Variants in WWP1 observed in about 807,000 individuals in gnomAD.
WWP1 encodes the protein NEDD4-like E3 ubiquitin-protein ligase WWP1.
In WWP1, 49 loss-of-function variants were observed where a neutral mutation model predicts 130.6. That is an observed-to-expected ratio of 0.38 (90% CI 0.30 to 0.48). The LOEUF (loss-of-function observed/expected upper bound fraction) is 0.48. Ranked by LOEUF, WWP1 falls within the 20% of genes least tolerant of loss-of-function variation. The pLI, the probability that WWP1 is intolerant of heterozygous loss-of-function variation, is 0.99. For synonymous variants in WWP1, 332 were observed against 367.8 expected (o/e 0.90, Z 1.11); for missense variants, 809 against 1,100.6 (o/e 0.74, Z 3.75).
At chr8:86,401,427 A>C (rs1207019436) in intron 7 of WWP1, among the ~76,000 whole-genome samples, 1 of 151,862 alleles carries the variant, frequency 6.6e-6, no homozygotes, top group Non-Finnish European at 1.5e-5. Flanking sequence ...GGGCACTGTG[A>C]TGCACGTCTG....
intron 24 of WWP1, 84 bp downstream of exon 24, chr8:86,461,930 A>C (rs1811789105): frequency 9.3e-7 from 1 of 1,072,444 alleles, no homozygotes; most frequent in African/African-American, 1.6e-5. Flanking sequence ...AAGATCCAGT[A>C]TAACTGCTTA....
chr8:86,457,532 G>C lies in WWP1; in HGVS notation c.2395-389G>C, dbSNP rs564897474. ...ACCATACCATATATACATAATGTGT[G>C]TATACATAATAGATACACACACACA... On this transcript the variant is annotated intron_variant, in intron 21 of 24. Coordinates refer to ENST00000517970, the MANE Select transcript of WWP1 (RefSeq NM_007013.4). Among the ~76,000 whole-genome samples, 96 of 151,212 alleles carry C rather than the reference G, an allele frequency of 6.3e-4. 2 individuals are homozygous for C. The South Asian group carries it at 9.0e-3, about 14-fold the overall frequency.
At chr8:86,439,617 T>A (rs917889566) in intron 17 of WWP1, among the ~76,000 whole-genome samples, 3 of 152,238 alleles carry the variant, frequency 2.0e-5, no homozygotes. Flanking sequence ...ATTTTGGTTT[T>A]ATGTTTATGT....
rs989788176 is a variant in WWP1 at position 86,468,276 on chromosome 8, G to C, written c.*1383G>C. 11 of 395,158 alleles carry C rather than the reference G, an allele frequency of 2.8e-5. No individual in the cohort carries two copies. Among genetic ancestry groups the C allele is most frequent in the Non-Finnish European group, 5.4e-5 (11 of 205,564 alleles). 24.5% of individuals were successfully genotyped at this position (395,158 alleles called of 1,614,324 possible). A position where few individuals can be genotyped will look rare whatever the true frequency, so the allele number is the denominator to read the frequency against. Reference sequence around the variant, plus strand: ...ACAGAAAAACAGTAATTATTGTTTTGCCAAAATTTTATTTTTCTACATATT... The same window carrying C: ...ACAGAAAAACAGTAATTATTGTTTTCCCAAAATTTTATTTTTCTACATATT... On this transcript the variant is annotated 3_prime_UTR_variant, in exon 25 of 25. Coordinates refer to ENST00000517970, the MANE Select transcript of WWP1 (RefSeq NM_007013.4).
At chr8:86,366,908 T>G (rs1049251458) in intron 1 of WWP1, among the ~76,000 whole-genome samples, 1 of 152,228 alleles carries the variant, frequency 6.6e-6, no homozygotes, top group Non-Finnish European at 1.5e-5. Context: ...TAATTTAATT[T>G]AAAATTAAGT....
At chr8:86,387,113 A>G (rs563796071) in intron 5 of WWP1, 1 of 152,322 alleles carries the variant, frequency 6.6e-6, no homozygotes, top group African/African-American at 2.4e-5. Context: ...GTTTCAACAT[A>G]CAAATTTTGT....
At chr8:86,384,456 G>A (rs186650827) in intron 5 of WWP1, among the ~76,000 whole-genome samples, 59 of 152,160 alleles carry the variant, frequency 3.9e-4, no homozygotes, top group Admixed American at 2.4e-3. Context: ...GAGTATACAC[G>A]TAATTTCCGG....
chr8:86,356,692 C>A (rs1045876093), intron 1 of WWP1, among the ~76,000 whole-genome samples: 3 of 152,104 alleles, frequency 2.0e-5, no homozygotes, highest in African/African-American at 7.2e-5. Flanking sequence ...ATAGTTGCTG[C>A]TAAGTTTGAT....
intron 1 of WWP1, among the ~76,000 whole-genome samples, chr8:86,364,220 G>A (rs1823829849): frequency 6.6e-6 from 1 of 152,200 alleles, no homozygotes; most frequent in Non-Finnish European, 1.5e-5. Flanking sequence ...TGAATTTTAT[G>A]TGTTGGTTGC....
At chr8:86,379,845 G>A (rs1156442781) in intron 3 of WWP1, among the ~76,000 whole-genome samples, 1 of 152,164 alleles carries the variant, frequency 6.6e-6, no homozygotes, top group African/African-American at 2.4e-5. Context: ...TGTTGAATCT[G>A]AAGACACTTT....
rs2130004802 is a variant in WWP1 at position 86,342,551 on chromosome 8, C to T, written c.-494C>T. Reference sequence around the variant, plus strand: ...GCGCATGCTCGGGGGAGGCGGATTCCGGGTCCGGAGTTGGAGGCTTTGGGC... The same window carrying T: ...GCGCATGCTCGGGGGAGGCGGATTCTGGGTCCGGAGTTGGAGGCTTTGGGC... On this transcript the variant is annotated 5_prime_UTR_variant, in exon 1 of 25. Transcript: ENST00000517970. 6.6e-6 allele frequency among the ~76,000 whole-genome samples: 1 copy of T among 151,744 alleles called. No homozygotes were observed. The highest frequency in any genetic ancestry group is 2.0e-4 in the East Asian group (1 of 5,104).
chr8:86,403,526 T>C, intron 8 of WWP1, among the ~76,000 whole-genome samples: 1 of 151,996 alleles, frequency 6.6e-6, no homozygotes, highest in East Asian at 1.9e-4. Context: ...AACTCCTGAC[T>C]TCAAGTGATC....
At chr8:86,392,591 T>A (rs908410651) in intron 5 of WWP1, among the ~76,000 whole-genome samples, 2 of 152,206 alleles carry the variant, frequency 1.3e-5, no homozygotes, top group South Asian at 4.1e-4. Context: ...TTATATTGAA[T>A]GGTGGGGAAA....
At chr8:86,364,833 A>AAGAGAGAGAGAGAGAG (rs1012959189) in intron 1 of WWP1, among the ~76,000 whole-genome samples, 7 of 113,742 alleles carry the variant, frequency 6.2e-5, no homozygotes, top group African/African-American at 1.9e-4. Flanking sequence ...GAAAGAAAGA[A>AAGAGAGAGAGAGAGAG]AGAGAGAGAG....
At chr8:86,438,987 C>CTATGTATA (rs1223524498) in intron 17 of WWP1, among the ~76,000 whole-genome samples, 1 of 151,954 alleles carries the variant, frequency 6.6e-6, no homozygotes, top group African/African-American at 2.4e-5. Flanking sequence ...GGGCATCTTT[C>CTATGTATA]TATGTTAGCA....
In WWP1 at chr8:86,398,389, G is replaced by A. The variant is rs1477807458; in HGVS notation, c.382G>A (p.Gly128Ser). Residue 128 changes from glycine to serine, a missense_variant, in exon 6 of 25, where the codon GGC (glycine) becomes AGC (serine). Coordinates refer to ENST00000517970, the MANE Select transcript of WWP1 (RefSeq NM_007013.4). ...QLKLSLENKN[G>S]IAQTGELTVV... ...AAAACTTTCCTTGGAAAACAAGAAT[G>A]GCATAGCACAAACTGGTGAATTGAC... 1.2e-6 allele frequency: 2 copies of A among 1,608,548 alleles called. No homozygotes were observed. The highest frequency in any genetic ancestry group is 4.5e-5 in the East Asian group (2 of 44,694).
rs1563551534 is a variant in WWP1, at chr8:86,458,039, T to C, written c.2499+14T>C. On this transcript the variant is annotated intron_variant, in intron 22 of 24. Coordinates refer to ENST00000517970, the MANE Select transcript of WWP1 (RefSeq NM_007013.4). ...TGGTTTTGGCAGGTATTTGCTTTTA[T>C]CTTTTTTGAAACAAAGTACTCAACA... 5.0e-6 allele frequency: 8 copies of C among 1,603,840 alleles called. No homozygotes were observed. Among genetic ancestry groups the C allele is most frequent in the Non-Finnish European group, 6.8e-6 (8 of 1,171,720 alleles).
intron 22 of WWP1, among the ~76,000 whole-genome samples, chr8:86,460,224 A>G (rs899838045): frequency 1.3e-5 from 2 of 152,168 alleles, no homozygotes; most frequent in Non-Finnish European, 2.9e-5. Flanking sequence ...TGTTAGGAAA[A>G]TGGTGTTTCA....
At chr8:86,370,142 G>A (rs1824202945) in intron 2 of WWP1, among the ~76,000 whole-genome samples, 1 of 152,078 alleles carries the variant, frequency 6.6e-6, no homozygotes, top group South Asian at 2.1e-4. Context: ...AAATATGATT[G>A]TTTGATTTGA....
Sources: allele counts gnomAD v4.1 joint callset (sites outside exome capture counted in the v4.1 genomes callset), GRCh38; gene constraint gnomAD v4.1.1; transcripts MANE v1.5; gene names NCBI Gene and HGNC (gene_info 2026-07-23, HGNC 2026-07-21).